Variants in C12orf56 observed in about 807,000 individuals in gnomAD.
The protein encoded by C12orf56 is uncharacterized protein C12orf56.
C12orf56 carries 71 observed loss-of-function variants against 69.9 expected under a neutral mutation model. The observed-to-expected ratio is 1.02, with a 90% confidence interval of 0.84 to 1.24. The LOEUF (loss-of-function observed/expected upper bound fraction) is 1.24. C12orf56 is among the 50% of genes most tolerant of loss of function. The pLI is 0.00. For missense variants in C12orf56, 732 were observed against 738.5 expected (o/e 0.99, Z 0.10); for synonymous variants, 276 against 274.1 (o/e 1.01, Z -0.07).
At chr12:64,278,464 T>A (rs180927204) in intron 8 of C12orf56, among the ~76,000 whole-genome samples, 14 of 152,278 alleles carry the variant, frequency 9.2e-5, no homozygotes, top group East Asian at 1.9e-4. Context: ...TTACTTTTTT[T>A]AATTGATAAT....
intron 2 of C12orf56, 72 bp downstream of exon 2, chr12:64,352,822 A>C (rs1437864204): frequency 5.3e-6 from 7 of 1,323,636 alleles, no homozygotes; most frequent in Non-Finnish European, 6.9e-6. Context: ...AATATCCTGC[A>C]TCAATTTTAA....
chr12:64,295,655 A>G (rs1381294128), intron 6 of C12orf56, among the ~76,000 whole-genome samples: 1 of 151,890 alleles, frequency 6.6e-6, no homozygotes, highest in Non-Finnish European at 1.5e-5. Flanking sequence ...TAGGTGACAG[A>G]GTGAGACTCC....
chr12:64,295,163 A>G (rs1183275068), intron 6 of C12orf56, among the ~76,000 whole-genome samples: 2 of 152,210 alleles, frequency 1.3e-5, no homozygotes, highest in African/African-American at 4.8e-5. Flanking sequence ...GATTATAGGC[A>G]TGAGCCACCG....
chr12:64,308,331 A>T (rs187202604), intron 5 of C12orf56, among the ~76,000 whole-genome samples: 4 of 152,138 alleles, frequency 2.6e-5, no homozygotes, highest in African/African-American at 7.2e-5. Context: ...CAATAAATAC[A>T]TACATACATA....
chr12:64,365,529 A>C (rs920085000), intron 1 of C12orf56, among the ~76,000 whole-genome samples: 21 of 151,362 alleles, frequency 1.4e-4, no homozygotes, highest in Non-Finnish European at 2.8e-4. Flanking sequence ...TACTTGCCCA[A>C]ATTGCCACTG....
At chr12:64,380,139 ACAAAC>A (rs1565783201) in intron 1 of C12orf56, among the ~76,000 whole-genome samples, 1,331 of 45,220 alleles carry the variant, frequency 0.029, 78 homozygotes, top group African/African-American at 0.055. Context: ...AAAAAACAAA[ACAAAC>A]AAAAAAAAAC....
intron 3 of C12orf56, among the ~76,000 whole-genome samples, chr12:64,322,518 C>G (rs2038786236): frequency 6.6e-6 from 1 of 152,036 alleles, no homozygotes. Flanking sequence ...ATAACAGTTG[C>G]CTTAAAGTCT....
At chr12:64,336,539 C>A (rs1036079641) in intron 2 of C12orf56, among the ~76,000 whole-genome samples, 1 of 152,018 alleles carries the variant, frequency 6.6e-6, no homozygotes, top group South Asian at 2.1e-4. Context: ...TTAAGGCAAC[C>A]AACACCAATT....
At chr12:64,296,652 A>G (rs1052273411) in intron 6 of C12orf56, among the ~76,000 whole-genome samples, 8 of 152,202 alleles carry the variant, frequency 5.3e-5, no homozygotes, top group Admixed American at 1.3e-4. Context: ...TGTATGTAAA[A>G]AAGACATGAA....
At chr12:64,356,951 C>T (rs980530424) in intron 1 of C12orf56, among the ~76,000 whole-genome samples, 1 of 152,104 alleles carries the variant, frequency 6.6e-6, no homozygotes, top group African/African-American at 2.4e-5. Flanking sequence ...CTCAGGCACC[C>T]ATGATTCTCT....
intron 3 of C12orf56, among the ~76,000 whole-genome samples, chr12:64,329,073 A>C (rs1338470434): frequency 6.6e-6 from 1 of 152,058 alleles, no homozygotes; most frequent in Non-Finnish European, 1.5e-5. Flanking sequence ...TCAAAAAAAA[A>C]AAAGAAACTC....
chr12:64,302,835 A>C (rs934806500), intron 6 of C12orf56, among the ~76,000 whole-genome samples: 4 of 152,296 alleles, frequency 2.6e-5, no homozygotes, highest in African/African-American at 9.6e-5. Flanking sequence ...GAAACTGCAC[A>C]ATAAAACATC....
Position 64,267,288 on chromosome 12 carries a change from C to A in C12orf56, c.1764G>T (p.Arg588Ser), listed in dbSNP as rs1018505951. 1.2e-6 allele frequency: 2 copies of A among 1,601,810 alleles called. No individual in the cohort carries two copies. The highest frequency in any genetic ancestry group is 2.2e-5 in the East Asian group (1 of 44,754). Residue 588 changes from arginine to serine, a missense_variant and splice_region_variant, in exon 13 of 13, where the codon AGG becomes AGT. By Grantham distance (110) the Arg-to-Ser change is moderately radical. Coordinates refer to ENST00000543942, the MANE Select transcript of C12orf56 (RefSeq NM_001170633.2). Reference protein sequence around the residue: ...YIRNNYREEFRYFIHMPALQK... With the variant: ...YIRNNYREEFSYFIHMPALQK... ...GCAAGGCTGGCATGTGAATAAAGTA[C>A]CTGCAAATCATAAAAAGAAACAAAA...
At chr12:64,345,019 T>C (rs1037656143) in intron 2 of C12orf56, among the ~76,000 whole-genome samples, 7 of 152,208 alleles carry the variant, frequency 4.6e-5, no homozygotes, top group African/African-American at 1.4e-4. Context: ...TCCAACTCTA[T>C]GTTCCTTCCA....
chr12:64,314,020 G>A (rs1256609178), intron 4 of C12orf56, among the ~76,000 whole-genome samples: 3 of 137,830 alleles, frequency 2.2e-5, no homozygotes, highest in Non-Finnish European at 4.6e-5. Context: ...TCCAGCCTGG[G>A]CAACAAGAGC....
intron 5 of C12orf56, among the ~76,000 whole-genome samples, chr12:64,309,842 G>T (rs1051416447): frequency 6.6e-6 from 1 of 152,012 alleles, no homozygotes; most frequent in Non-Finnish European, 1.5e-5. Context: ...TCAGATTCAG[G>T]TTTAACCGTT....
intron 1 of C12orf56, among the ~76,000 whole-genome samples, chr12:64,379,205 T>TA (rs1164546065): frequency 2.6e-5 from 4 of 152,164 alleles, no homozygotes; most frequent in African/African-American, 9.6e-5. Context: ...ACACTGTCCT[T>TA]ACAATCACTG....
chr12:64,303,003 T>TGGTTCACACCTGTAAC (rs1175695020), intron 6 of C12orf56, among the ~76,000 whole-genome samples: 3 of 152,024 alleles, frequency 2.0e-5, no homozygotes, highest in Admixed American at 1.3e-4. Context: ...CAGGGCGCGG[T>TGGTTCACACCTGTAAC]GGTTCACACC....
At chr12:64,330,788 T>C (rs192142252) in intron 3 of C12orf56, among the ~76,000 whole-genome samples, 172 bp downstream of exon 3, 55 of 152,308 alleles carry the variant, frequency 3.6e-4, no homozygotes, top group African/African-American at 1.3e-3. Context: ...ATTTAACTGA[T>C]TTGAATTGAG....
Sources: gnomAD v4.1 joint callset for allele counts (sites outside exome capture counted in the v4.1 genomes callset) on GRCh38, gnomAD v4.1.1 for gene constraint, MANE v1.5 for transcripts, NCBI Gene and HGNC (gene_info 2026-07-23, HGNC 2026-07-21) for gene names.